Variants in VTI1A observed in about 807,000 individuals in gnomAD.
The protein encoded by VTI1A is vesicle transport through interaction with t-SNAREs 1A.
VTI1A carries 22 observed loss-of-function variants against 34.9 expected under a neutral mutation model. That is an observed-to-expected ratio of 0.63 (90% confidence interval 0.45 to 0.90). VTI1A has a LOEUF of 0.90. VTI1A is among the 40% of genes least tolerant of loss of function. The pLI, the probability that VTI1A is intolerant of heterozygous loss-of-function variation, is 0.00. For synonymous variants in VTI1A, 87 were observed against 97.3 expected (o/e 0.89, Z 0.62); for missense variants, 268 against 275.6 (o/e 0.97, Z 0.20).
chr10:112,593,810 C>A lies in VTI1A; in HGVS notation c.427+55480C>A, dbSNP rs570406026. On this transcript the variant is annotated intron_variant, in intron 5 of 7. Transcript: ENST00000393077. Reference sequence around the variant, plus strand: ...GGAGTGCAGCGCCACAATCTCGGCTCACTGCAAGCTTCGCCTCCCGGGCTC... The same window carrying A: ...GGAGTGCAGCGCCACAATCTCGGCTAACTGCAAGCTTCGCCTCCCGGGCTC... Among the ~76,000 whole-genome samples, 571 of 152,300 alleles carry A rather than the reference C, an allele frequency of 3.7e-3. 4 individuals carry two copies. The highest frequency in any genetic ancestry group is 5.7e-3 in the Non-Finnish European group (385 of 68,028).
At chr10:112,491,591 T>C (rs1459473357) in intron 3 of VTI1A, among the ~76,000 whole-genome samples, 1 of 152,252 alleles carries the variant, frequency 6.6e-6, no homozygotes, top group Non-Finnish European at 1.5e-5. Flanking sequence ...ATTTTAGTAA[T>C]ATATTTTCTT....
At chr10:112,671,110 C>T (rs922829845) in intron 7 of VTI1A, among the ~76,000 whole-genome samples, 18 of 152,188 alleles carry the variant, frequency 1.2e-4, no homozygotes, top group African/African-American at 4.3e-4. Flanking sequence ...TTGGTTATCT[C>T]ATGGAAAAGC....
chr10:112,781,927 C>T (rs1451301289), intron 7 of VTI1A, among the ~76,000 whole-genome samples: 1 of 152,132 alleles, frequency 6.6e-6, no homozygotes, highest in Non-Finnish European at 1.5e-5. Context: ...TCTGCCTCCT[C>T]CTCCATTTAT....
chr10:112,548,860 G>T (rs1010704815), intron 5 of VTI1A: 2 of 1,428,750 alleles, frequency 1.4e-6, no homozygotes, highest in Non-Finnish European at 1.9e-6. Context: ...CTTTTTACCG[G>T]AACGGTGATC....
intron 3 of VTI1A, among the ~76,000 whole-genome samples, chr10:112,475,089 G>T (rs1848235263): frequency 6.6e-6 from 1 of 152,188 alleles, no homozygotes; most frequent in African/African-American, 2.4e-5. Flanking sequence ...CACTTGATTA[G>T]AATAATATTA....
intron 7 of VTI1A, among the ~76,000 whole-genome samples, chr10:112,685,910 A>G (rs1429208009): frequency 1.3e-5 from 2 of 152,136 alleles, no homozygotes; most frequent in Non-Finnish European, 2.9e-5. Context: ...TACAACTGTC[A>G]TATCCTTCCC....
intron 3 of VTI1A, among the ~76,000 whole-genome samples, chr10:112,524,245 G>T (rs983805123): frequency 6.6e-6 from 1 of 151,960 alleles, no homozygotes; most frequent in African/African-American, 2.4e-5. Context: ...CCAATGTTGG[G>T]CATCTAAATA....
intron 5 of VTI1A, among the ~76,000 whole-genome samples, chr10:112,614,960 A>G (rs969691301): frequency 3.3e-5 from 5 of 152,190 alleles, no homozygotes; most frequent in African/African-American, 1.2e-4. Flanking sequence ...GCTTTTAAAT[A>G]GAATCATATT....
chr10:112,720,456 T>G (rs1252444198), intron 7 of VTI1A, among the ~76,000 whole-genome samples: 3 of 152,230 alleles, frequency 2.0e-5, no homozygotes, highest in Non-Finnish European at 4.4e-5. Context: ...TTCCCTAATG[T>G]CTAGATGTTG....
intron 7 of VTI1A, among the ~76,000 whole-genome samples, chr10:112,730,573 A>AT (rs140034551): frequency 0.17 from 24,951 of 149,564 alleles, 3,591 homozygotes; most frequent in African/African-American, 0.39. Context: ...TACTTTTAGG[A>AT]TTTTTTTTTT....
At chr10:112,810,206 C>T (rs1853234957) in intron 7 of VTI1A, among the ~76,000 whole-genome samples, 1 of 151,858 alleles carries the variant, frequency 6.6e-6, no homozygotes, top group South Asian at 2.1e-4. Flanking sequence ...AGTTTGGAAC[C>T]AGGTTGGCCA....
In VTI1A at chr10:112,582,370, A is replaced by G. The variant is rs1281362369; in HGVS notation, c.427+44040A>G. ...TTTAGTGGGCAAAGACATTCAATCCATAGAATTCACCTCTTGTTCCCCCAA... is the reference window on the plus strand; with the variant it reads ...TTTAGTGGGCAAAGACATTCAATCCGTAGAATTCACCTCTTGTTCCCCCAA... On this transcript the variant is annotated intron_variant, in intron 5 of 7. Transcript: ENST00000393077. Among the ~76,000 whole-genome samples, 2 of 152,152 alleles carry G rather than the reference A, an allele frequency of 1.3e-5. 1 individual carries two copies. Among genetic ancestry groups the G allele is most frequent in the African/African-American group, 4.8e-5 (2 of 41,434 alleles).
At chr10:112,477,915 T>C (rs7916712) in intron 3 of VTI1A, among the ~76,000 whole-genome samples, 1,535 of 152,274 alleles carry the variant, frequency 0.01, 23 homozygotes, top group African/African-American at 0.034. Context: ...GCTAGAGTTG[T>C]CTTACTTATG....
intron 3 of VTI1A, among the ~76,000 whole-genome samples, chr10:112,472,754 A>G (rs1195801929): frequency 1.3e-5 from 2 of 152,304 alleles, no homozygotes; most frequent in East Asian, 3.9e-4. Flanking sequence ...CAGTGGTAAT[A>G]TGTGGTAACT....
rs977186485 is a variant in VTI1A at position 112,815,623 on chromosome 10, T to C, written c.*240T>C. On this transcript the variant is annotated 3_prime_UTR_variant, in exon 8 of 8. Coordinates refer to ENST00000393077, the MANE Select transcript of VTI1A (RefSeq NM_145206.4). Reference sequence around the variant, plus strand: ...TTCGTTTTTTAGAGGGGAAGGTGAATGTTTATTTACCTTTTTGCTAATGTC... The same window carrying C: ...TTCGTTTTTTAGAGGGGAAGGTGAACGTTTATTTACCTTTTTGCTAATGTC... 8 of 530,622 alleles carry C rather than the reference T, an allele frequency of 1.5e-5. No homozygotes were observed. The highest frequency in any genetic ancestry group is 3.2e-5 in the Admixed American group (1 of 31,220). 32.9% of individuals were successfully genotyped at this position (530,622 alleles called of 1,614,324 possible).
At chr10:112,776,155 A>C (rs997546359) in intron 7 of VTI1A, among the ~76,000 whole-genome samples, 10 of 152,242 alleles carry the variant, frequency 6.6e-5, no homozygotes, top group African/African-American at 2.2e-4. Context: ...TGCAGCCTGC[A>C]TTCACTCGAG....
intron 5 of VTI1A, among the ~76,000 whole-genome samples, chr10:112,580,940 G>C (rs1428127866): frequency 6.6e-6 from 1 of 152,140 alleles, no homozygotes; most frequent in Non-Finnish European, 1.5e-5. Flanking sequence ...TATATAGCCT[G>C]ATAGTCCATA....
intron 7 of VTI1A, among the ~76,000 whole-genome samples, chr10:112,692,163 C>T (rs147696802): frequency 6.6e-6 from 1 of 152,342 alleles, no homozygotes; most frequent in East Asian, 1.9e-4. Context: ...ACTCACCACC[C>T]TAGAGTGTAG....
intron 7 of VTI1A, among the ~76,000 whole-genome samples, chr10:112,771,354 C>T (rs1250065698): frequency 6.6e-6 from 1 of 152,232 alleles, no homozygotes; most frequent in African/African-American, 2.4e-5. Context: ...TTCTCTCCAT[C>T]CTGCAAGGGA....
Sources: allele counts gnomAD v4.1 joint callset (sites outside exome capture counted in the v4.1 genomes callset), GRCh38; gene constraint gnomAD v4.1.1; transcripts MANE v1.5; gene names NCBI Gene and HGNC (gene_info 2026-07-23, HGNC 2026-07-21).